STK31: variants seen among roughly 807,000 people sequenced by gnomAD.
STK31 encodes serine/threonine kinase 31.
STK31 carries 89 observed loss-of-function variants against 129.7 expected under a neutral mutation model. That is an observed-to-expected ratio of 0.69 (90% CI 0.58 to 0.82). The LOEUF (loss-of-function observed/expected upper bound fraction) is 0.82. Among genes scored for constraint, STK31 ranks in the 40% least tolerant of loss-of-function variants. The pLI, the probability that STK31 is intolerant of heterozygous loss-of-function variation, is 0.00. For missense variants in STK31, 1,187 were observed against 1,176.4 expected (o/e 1.01, Z -0.13); for synonymous variants, 448 against 395.3 (o/e 1.13, Z -1.58).
chr7:23,819,553 T>A (rs1297997245), intron 23 of STK31, among the ~76,000 whole-genome samples: 1 of 150,112 alleles, frequency 6.7e-6, no homozygotes, highest in Non-Finnish European at 1.5e-5. Context: ...TAGCTGGGAT[T>A]ACTGGCATGC....
At chr7:23,738,089 A>G (rs2128082275) in intron 8 of STK31, among the ~76,000 whole-genome samples, 1 of 152,270 alleles carries the variant, frequency 6.6e-6, no homozygotes, top group East Asian at 1.9e-4. Context: ...TCCCCAGGCT[A>G]CTTGCATATC....
intron 23 of STK31, among the ~76,000 whole-genome samples, chr7:23,826,268 G>A (rs1794143579): frequency 6.6e-6 from 1 of 152,194 alleles, no homozygotes; most frequent in African/African-American, 2.4e-5. Context: ...CTTGCTTTAT[G>A]AATCTGGGTC....
At chr7:23,755,754 TG>T (rs1434053398) in intron 10 of STK31, among the ~76,000 whole-genome samples, 1 of 152,222 alleles carries the variant, frequency 6.6e-6, no homozygotes, top group Non-Finnish European at 1.5e-5. Context: ...GAATAGGAGA[TG>T]CTTTCCCAAT....
intron 22 of STK31, among the ~76,000 whole-genome samples, chr7:23,802,917 T>C (rs1792468804): frequency 6.6e-6 from 1 of 152,194 alleles, no homozygotes; most frequent in African/African-American, 2.4e-5. Context: ...ATGGGGAGAA[T>C]TGACATCTTT....
intron 8 of STK31, among the ~76,000 whole-genome samples, chr7:23,749,417 A>G (rs1788551078): frequency 6.9e-6 from 1 of 144,048 alleles, no homozygotes; most frequent in Admixed American, 7.2e-5. Flanking sequence ...ATCTTGGCTC[A>G]CTGCAACCTC....
intron 8 of STK31, among the ~76,000 whole-genome samples, chr7:23,742,606 TG>T (rs914088368): frequency 1.2e-4 from 19 of 152,332 alleles, no homozygotes; most frequent in African/African-American, 4.3e-4. Flanking sequence ...TTCAGAGCTC[TG>T]GGGATTTTTC....
intron 18 of STK31, 32 bp downstream of exon 18, chr7:23,785,635 T>A: frequency 6.3e-7 from 1 of 1,599,188 alleles, no homozygotes; most frequent in South Asian, 1.1e-5. Flanking sequence ...TTGTGGGAGA[T>A]TCAGCAGCAT....
At chr7:23,750,078 C>CCCCCCA (rs1230124956) in intron 8 of STK31, among the ~76,000 whole-genome samples, 1 of 130,752 alleles carries the variant, frequency 7.6e-6, no homozygotes, top group African/African-American at 2.8e-5. Flanking sequence ...CCCCCCCCGC[C>CCCCCCA]ACTGCTGGAA....
At chr7:23,761,207 CA>C (rs2128098642) in intron 10 of STK31, among the ~76,000 whole-genome samples, 1 of 152,090 alleles carries the variant, frequency 6.6e-6, no homozygotes, top group East Asian at 1.9e-4. Flanking sequence ...TTTTTGAAAG[CA>C]GAATTTTTTT....
At chr7:23,794,631 T>C (rs1791840558) in intron 22 of STK31, among the ~76,000 whole-genome samples, 1 of 152,152 alleles carries the variant, frequency 6.6e-6, no homozygotes, top group South Asian at 2.1e-4. Context: ...TAGAGACTTG[T>C]TGAATGGCTT....
chr7:23,772,349 T>C (rs1198083832), intron 15 of STK31, 71 bp downstream of exon 15: 4 of 1,476,110 alleles, frequency 2.7e-6, no homozygotes, highest in African/African-American at 1.4e-5. Flanking sequence ...TTCATAAAAA[T>C]AATGCATAAA....
intron 8 of STK31, among the ~76,000 whole-genome samples, chr7:23,748,669 T>C (rs1342863719): frequency 6.6e-6 from 1 of 152,238 alleles, no homozygotes; most frequent in Non-Finnish European, 1.5e-5. Flanking sequence ...TTCCATTTAA[T>C]GAATAGTAAA....
At chr7:23,732,811 T>G (rs1779994773) in intron 6 of STK31, among the ~76,000 whole-genome samples, 1 of 152,146 alleles carries the variant, frequency 6.6e-6, no homozygotes, top group African/African-American at 2.4e-5. Context: ...GCAATAATTT[T>G]CAAAGACTTC....
At position 23,832,265 on chromosome 7, in the gene STK31, A is replaced by G; in HGVS notation, c.2959A>G (p.Thr987Ala). 1 of 1,613,964 alleles carries G rather than the reference A, an allele frequency of 6.2e-7. No individual in the cohort carries two copies. The highest frequency in any genetic ancestry group is 8.5e-7 in the Non-Finnish European group (1 of 1,179,846). ...ATCAGTTCCAAACCCAGAAAAAGAT[A>G]CTGAATACACCCTATATAAAAAGGA... ...EQSVPNPEKD[T>A]EYTLYKKEEE... Residue 987 changes from threonine (T) to alanine (A), a missense_variant, in exon 24 of 24, where the codon ACT becomes GCT. This residue lies in a region of STK31 where 975 missense variants were observed against 934.9 expected (regional missense o/e 1.04). Coordinates refer to ENST00000355870, the MANE Select transcript of STK31 (RefSeq NM_031414.5).
intron 8 of STK31, among the ~76,000 whole-genome samples, chr7:23,737,910 C>A (rs1337767403): frequency 6.7e-6 from 1 of 150,062 alleles, no homozygotes; most frequent in Non-Finnish European, 1.5e-5. Flanking sequence ...TGTTTAACAC[C>A]AAATCTGTTG....
chr7:23,824,897 C>T lies in STK31; in HGVS notation c.2830-7239C>T, dbSNP rs1376584838. On this transcript the variant is annotated intron_variant, in intron 23 of 23. Coordinates refer to ENST00000355870, the MANE Select transcript of STK31 (RefSeq NM_031414.5). The stretch of plus-strand genomic sequence containing the variant: ...TTGGTTCTGTTTATATGCTGGATTA[C>T]GTTTATTGATTTTCATATGTTGAAC... 7.2e-5 allele frequency among the ~76,000 whole-genome samples: 11 copies of T among 151,852 alleles called. No homozygotes were observed. The East Asian group carries it at 7.7e-4, about 11-fold the overall frequency.
chr7:23,724,358 G>A (rs1786919493), intron 4 of STK31, among the ~76,000 whole-genome samples: 2 of 152,150 alleles, frequency 1.3e-5, no homozygotes, highest in Admixed American at 1.3e-4. Flanking sequence ...GTAAATTAAG[G>A]GGTCAATTGG....
intron 9 of STK31, among the ~76,000 whole-genome samples, chr7:23,754,059 T>TCGAAG (rs1788896821): frequency 6.6e-6 from 1 of 152,144 alleles, no homozygotes; most frequent in Non-Finnish European, 1.5e-5. Flanking sequence ...TTTTCATATT[T>TCGAAG]TTTATGTCAT....
intron 17 of STK31, 85 bp downstream of exon 17, chr7:23,783,748 A>T (rs1198391710): frequency 9.2e-7 from 1 of 1,092,156 alleles, no homozygotes; most frequent in Non-Finnish European, 1.3e-6. Flanking sequence ...TGTTAAACTT[A>T]TAGTATCTTT....
Sources: gnomAD v4.1 joint callset for allele counts (sites outside exome capture counted in the v4.1 genomes callset) on GRCh38, gnomAD v4.1.1 for gene constraint, gnomAD v4.1.1 regional missense constraint, MANE v1.5 for transcripts, NCBI Gene and HGNC (gene_info 2026-07-23, HGNC 2026-07-21) for gene names.